Variants in EARS2 observed in about 807,000 individuals in gnomAD.
EARS2 encodes glutamyl-tRNA synthetase 2, mitochondrial, also known as nondiscriminating glutamyl-tRNA synthetase EARS2, mitochondrial.
In EARS2, 50 loss-of-function variants were observed where a neutral mutation model predicts 54.1. The ratio of observed to expected loss-of-function variants is 0.92; its 90% CI spans 0.74 to 1.17. The LOEUF (loss-of-function observed/expected upper bound fraction) is 1.17. EARS2 is among the 50% of genes most tolerant of loss of function. The pLI, the probability that EARS2 is intolerant of heterozygous loss-of-function variation, is 0.00. For synonymous variants in EARS2, 298 were observed against 281.0 expected (o/e 1.06, Z -0.61); for missense variants, 673 against 675.0 (o/e 1.00, Z 0.03).
At chr16:23,539,276 A>G (rs1965475066) in intron 3 of EARS2, among the ~76,000 whole-genome samples, 1 of 152,208 alleles carries the variant, frequency 6.6e-6, no homozygotes, top group Non-Finnish European at 1.5e-5. Context: ...AGTTTCAACT[A>G]AGCTTTTACA....
chr16:23,524,443 A>G lies in EARS2; in HGVS notation c.1500T>C (p.Pro500=). 6.2e-7 allele frequency: 1 copy of G among 1,614,140 alleles called. No individual in the cohort carries two copies. The highest frequency in any genetic ancestry group is 1.7e-5 in the Admixed American group (1 of 60,014). The change falls in exon 9 of 9, where the codon CCT becomes CCC. Residue 500 remains proline (P), a synonymous_variant. Coordinates refer to ENST00000449606, the MANE Select transcript of EARS2 (RefSeq NM_001083614.2). Reference sequence around the variant, plus strand: ...CCAAGGCCAACATCATCTCAGCTACAGGAGGTCCTTGCTAAGAACAAAAAG... The same window carrying G: ...CCAAGGCCAACATCATCTCAGCTACGGGAGGTCCTTGCTAAGAACAAAAAG... ...MALSGQQQGP[P]VAEMMLALGP...
chr16:23,557,287 G>T lies in EARS2; in HGVS notation c.57C>A (p.Gly19=). The T allele has an allele frequency of 6.6e-7, 1 of 1,511,010 alleles. No homozygotes were observed. The highest frequency in any genetic ancestry group is 8.8e-7 in the Non-Finnish European group (1 of 1,141,076). 93.6% of individuals were successfully genotyped at this position (1,511,010 alleles called of 1,614,324 possible). Residue 19 remains glycine, a synonymous_variant, in exon 1 of 9, where the codon GGC becomes GGA. Transcript: ENST00000449606. The stretch of plus-strand genomic sequence containing the variant: ...TGGCCTCGCGCCGTCCTACGGGGCG[G>T]CCAGAGGCCGCCGAAGGCCTCTCGC... The part of the protein sequence containing the change: ...LQRERPSAAS[G]RPVGRREANL...
chr16:23,537,123 G>A, intron 3 of EARS2: 1 of 244,096 alleles, frequency 4.1e-6, no homozygotes, highest in Non-Finnish European at 9.1e-6. Context: ...CAGTGAGTTT[G>A]ACAAAAAGTT....
intron 7 of EARS2, 128 bp downstream of exon 7, chr16:23,529,374 G>C (rs1480146575): frequency 3.2e-6 from 4 of 1,235,268 alleles, no homozygotes; most frequent in Non-Finnish European, 4.4e-6. Context: ...GCCAGTGAAG[G>C]GTCACTTCTT....
intron 2 of EARS2, among the ~76,000 whole-genome samples, chr16:23,546,589 T>C (rs1173622423): frequency 6.6e-6 from 1 of 152,246 alleles, no homozygotes; most frequent in Non-Finnish European, 1.5e-5. Flanking sequence ...AGGGTCTCAC[T>C]CTGTTGCCCA....
At chr16:23,531,165 G>A (rs1475462865) in intron 5 of EARS2, among the ~76,000 whole-genome samples, 1 of 151,512 alleles carries the variant, frequency 6.6e-6, no homozygotes, top group Non-Finnish European at 1.5e-5. Context: ...CCAAAATGCT[G>A]CGACTACAGG....
intron 7 of EARS2, 31 bp downstream of exon 7, chr16:23,529,471 G>A: frequency 6.2e-7 from 1 of 1,607,040 alleles, no homozygotes; most frequent in South Asian, 1.1e-5. Context: ...AGGAGGGTGT[G>A]GAACCCTGAG....
In EARS2 at chr16:23,521,607, C is replaced by G. The variant is rs992938752; in HGVS notation, c.*2764G>C. Among the ~76,000 whole-genome samples the G allele has an allele frequency of 6.6e-6, 1 of 152,132 alleles. No individual in the cohort carries two copies. Among genetic ancestry groups the G allele is most frequent in the Admixed American group, 6.6e-5 (1 of 15,258 alleles). On this transcript the variant is annotated 3_prime_UTR_variant, in exon 9 of 9. Transcript: ENST00000449606. Reference sequence around the variant, plus strand: ...AGAGACAGGATCTCACTATGTTGCCCAGGCTGGTCTCCAAACTCCTGGCCT... The same window carrying G: ...AGAGACAGGATCTCACTATGTTGCCGAGGCTGGTCTCCAAACTCCTGGCCT...
chr16:23,541,775 C>A (rs1965516689), intron 3 of EARS2, among the ~76,000 whole-genome samples: 1 of 151,236 alleles, frequency 6.6e-6, no homozygotes, highest in African/African-American at 2.4e-5. Context: ...CTCACTGCAA[C>A]CTCCACCTTC....
At chr16:23,537,088 C>A in intron 3 of EARS2, 1 of 275,616 alleles carries the variant, frequency 3.6e-6, no homozygotes, top group South Asian at 3.7e-5. Flanking sequence ...CTTGTTTCTT[C>A]AAGCTCTTCT....
chr16:23,526,928 T>C (rs904256709), intron 7 of EARS2, among the ~76,000 whole-genome samples: 4 of 152,012 alleles, frequency 2.6e-5, no homozygotes, highest in African/African-American at 7.2e-5. Context: ...TATATTTCAC[T>C]GCAACTTTCC....
chr16:23,532,841 G>A, intron 4 of EARS2, 76 bp from the exon 5 acceptor site: 1 of 1,071,538 alleles, frequency 9.3e-7, no homozygotes, highest in Non-Finnish European at 1.4e-6. Flanking sequence ...TTTTTTAAGA[G>A]ACAGGATCTT....
chr16:23,548,437 G>A (rs1046820290), intron 2 of EARS2, among the ~76,000 whole-genome samples: 5 of 152,002 alleles, frequency 3.3e-5, no homozygotes, highest in African/African-American at 1.2e-4. Flanking sequence ...GCTGCCCCAG[G>A]AATTCCACGA....
At chr16:23,556,835 A>T in intron 1 of EARS2, 1 of 495,690 alleles carries the variant, frequency 2.0e-6, no homozygotes, top group East Asian at 5.4e-5. Context: ...CTTATTTTTT[A>T]TAAGTGTCTG....
At chr16:23,543,959 G>C (rs2142183956) in intron 3 of EARS2, among the ~76,000 whole-genome samples, 1 of 152,196 alleles carries the variant, frequency 6.6e-6, no homozygotes, top group East Asian at 1.9e-4. Flanking sequence ...GTTTAGACTT[G>C]GGTCCCACCC....
chr16:23,529,584 G>T lies in EARS2; in HGVS notation c.1270C>A (p.Leu424Met), dbSNP rs1261148278. ...QDLVSPVYSY[L>M]WTRPAVGRAQ... ...CGACCTACTGCAGGGCGAGTCCACA[G>T]GTAAGAGTATACTGGGGACACCAAG... The change falls in exon 7 of 9, where the codon CTG becomes ATG. Residue 424 changes from leucine to methionine, a missense_variant. By Grantham distance (15) the Leu-to-Met change is conservative (BLOSUM62 2). Coordinates refer to ENST00000449606, the MANE Select transcript of EARS2 (RefSeq NM_001083614.2). The T allele has an allele frequency of 1.2e-6, 2 of 1,614,180 alleles. No individual in the cohort carries two copies. The highest frequency in any genetic ancestry group is 1.7e-6 in the Non-Finnish European group (2 of 1,180,036).
At chr16:23,544,124 C>T (rs1308190467) in intron 3 of EARS2, among the ~76,000 whole-genome samples, 1 of 152,178 alleles carries the variant, frequency 6.6e-6, no homozygotes, top group Non-Finnish European at 1.5e-5. Flanking sequence ...GACTCCAGCT[C>T]GTACGTGCTC....
In EARS2 at chr16:23,521,706, G is replaced by C. The variant is rs1965144139; in HGVS notation, c.*2665C>G. Reference sequence around the variant, plus strand: ...CCTTTTGTGACTGACATTTCATTTAGCATGAAGTCCTAGAGGTTCATCCAT... The same window carrying C: ...CCTTTTGTGACTGACATTTCATTTACCATGAAGTCCTAGAGGTTCATCCAT... On this transcript the variant is annotated 3_prime_UTR_variant, in exon 9 of 9. Coordinates refer to ENST00000449606, the MANE Select transcript of EARS2 (RefSeq NM_001083614.2). The C allele has an allele frequency of 2.2e-6, 1 of 454,266 alleles. No individual in the cohort carries two copies. Among genetic ancestry groups the C allele is most frequent in the Non-Finnish European group, 4.4e-6 (1 of 226,286 alleles). 28.1% of individuals were successfully genotyped at this position (454,266 alleles called of 1,614,324 possible).
chr16:23,556,310 T>C (rs531440192), intron 1 of EARS2, among the ~76,000 whole-genome samples: 1 of 152,334 alleles, frequency 6.6e-6, no homozygotes, highest in East Asian at 1.9e-4. Flanking sequence ...CCAACAGCAC[T>C]AGCACAGTGC....
Sources: gnomAD v4.1 joint callset for allele counts (sites outside exome capture counted in the v4.1 genomes callset) on GRCh38, gnomAD v4.1.1 for gene constraint, MANE v1.5 for transcripts, NCBI Gene and HGNC (gene_info 2026-07-23, HGNC 2026-07-21) for gene names.